Variants in NCOA3 observed in about 807,000 individuals in gnomAD.
The protein encoded by NCOA3 is nuclear receptor coactivator 3.
A neutral mutation model predicts 158.8 loss-of-function variants in NCOA3; 51 were observed. The ratio of observed to expected loss-of-function variants is 0.32; its 90% confidence interval spans 0.26 to 0.41. The LOEUF is 0.41. Ranked by LOEUF, NCOA3 falls within the 10% of genes least tolerant of loss-of-function variation. NCOA3 has a pLI of 1.00. For synonymous variants in NCOA3, 537 were observed against 592.4 expected, an observed-to-expected ratio of 0.91 and a Z score of 1.36; for missense variants, 1,510 against 1,746.6, an observed-to-expected ratio of 0.86 and a Z score of 2.41.
chr20:47,574,563 G>A (rs1330063204), intron 1 of NCOA3, among the ~76,000 whole-genome samples: 1 of 150,872 alleles, frequency 6.6e-6, no homozygotes, highest in Non-Finnish European at 1.5e-5. Context: ...AAAATTTTAT[G>A]TAAAATGAAA....
At chr20:47,622,146 C>A in intron 2 of NCOA3, 83 bp from the exon 3 acceptor site, 1 of 651,712 alleles carries the variant, frequency 1.5e-6, no homozygotes, top group Non-Finnish European at 2.7e-6. Context: ...TTAAAAGTTG[C>A]AGTCATTCAG....
intron 1 of NCOA3, among the ~76,000 whole-genome samples, chr20:47,526,205 C>T (rs1236010744): frequency 1.1e-4 from 17 of 151,524 alleles, no homozygotes; most frequent in African/African-American, 3.2e-4. Context: ...GATGTGATGG[C>T]GGCCGGGAAG....
intron 1 of NCOA3, among the ~76,000 whole-genome samples, chr20:47,537,945 TCTTGGCTTAC>T (rs1481474483): frequency 6.6e-6 from 1 of 152,018 alleles, no homozygotes; most frequent in African/African-American, 2.4e-5. Flanking sequence ...AGTGGCTCAA[TCTTGGCTTAC>T]TGCAACCTCC....
At position 47,627,662 on chromosome 20, in the gene NCOA3, A is replaced by G; in HGVS notation, c.634A>G (p.Asn212Asp). 6 of 1,614,222 alleles carry G rather than the reference A, an allele frequency of 3.7e-6. No individual in the cohort carries two copies. The highest frequency in any genetic ancestry group is 5.1e-6 in the Non-Finnish European group (6 of 1,180,028). Reference protein sequence around the residue: ...KTPHDILEDINASPEMRQRYE... With the variant: ...KTPHDILEDIDASPEMRQRYE... ...ACCACATGATATTCTGGAAGACATA[A>G]ACGCCAGTCCTGAAATGCGCCAGAG... Residue 212 changes from asparagine to aspartate, a missense_variant, in exon 7 of 23, where the codon AAC becomes GAC. Physicochemically the swap from Asn to Asp is conservative, Grantham distance 23 (BLOSUM62 1). Around this residue, in one of 4 missense-constraint regions of NCOA3, gnomAD observed 309 missense variants for 427.1 expected, o/e 0.72. Transcript: ENST00000371998.
At chr20:47,644,667 C>T (rs1245307764) in intron 17 of NCOA3, among the ~76,000 whole-genome samples, 1 of 151,840 alleles carries the variant, frequency 6.6e-6, no homozygotes, top group African/African-American at 2.4e-5. Flanking sequence ...GGGAACTAGC[C>T]CTAGCCCTTT....
chr20:47,633,647 T>C lies in NCOA3; in HGVS notation c.964+11T>C, dbSNP rs982656440. 1 of 1,607,688 alleles carries C rather than the reference T, an allele frequency of 6.2e-7. No homozygotes were observed. The highest frequency in any genetic ancestry group is 1.3e-5 in the African/African-American group (1 of 74,462). ...GTCACTATCAAGAAGGTAAAGAATT[T>C]TGGGGTTGATTGTTCTTATCATTTT... On this transcript the variant is annotated intron_variant, in intron 9 of 22. Coordinates refer to ENST00000371998, the MANE Select transcript of NCOA3 (RefSeq NM_181659.3).
intron 2 of NCOA3, among the ~76,000 whole-genome samples, chr20:47,587,780 A>G (rs1051010625): frequency 2.0e-5 from 3 of 152,156 alleles, no homozygotes; most frequent in African/African-American, 7.2e-5. Context: ...GCATGTGTTC[A>G]TTGAAACATA....
At chr20:47,502,380 G>C (rs2083948095) in intron 1 of NCOA3, among the ~76,000 whole-genome samples, 1 of 152,112 alleles carries the variant, frequency 6.6e-6, no homozygotes, top group African/African-American at 2.4e-5. Flanking sequence ...GCCTCCCCCA[G>C]CCCTTTTGAA....
chr20:47,641,786 C>T (rs955300886), intron 16 of NCOA3, among the ~76,000 whole-genome samples: 4 of 152,106 alleles, frequency 2.6e-5, no homozygotes, highest in Non-Finnish European at 4.4e-5. Flanking sequence ...TGAGCCACTG[C>T]GCCTGGCCAT....
At chr20:47,595,464 C>T (rs745854978) in intron 2 of NCOA3, among the ~76,000 whole-genome samples, 22 of 152,140 alleles carry the variant, frequency 1.4e-4, no homozygotes, top group African/African-American at 2.2e-4. Context: ...CCTTGGCTGG[C>T]GCTTAACTTG....
At position 47,651,055 on chromosome 20, in the gene NCOA3, G is replaced by C. The variant is rs2146347833; in HGVS notation, c.3725G>C (p.Arg1242Thr). The change falls in exon 20 of 23, where the codon AGG becomes ACG. Residue 1242 changes from arginine (R) to threonine (T), a missense_variant. Physicochemically the swap from Arg to Thr is moderately conservative, Grantham distance 71 (BLOSUM62 -1). This residue lies in a region of NCOA3 where 1,017 missense variants were observed against 1,098.3 expected (regional missense o/e 0.93). Coordinates refer to ENST00000371998, the MANE Select transcript of NCOA3 (RefSeq NM_181659.3). ...CTAAGTCATCACTTCCGACAACAGA[G>C]GGTGGCTATGATGATGCAGCAGCAG... Reference protein sequence around the residue: ...ELLSHHFRQQRVAMMMQQQQQ... With the variant: ...ELLSHHFRQQTVAMMMQQQQQ... The C allele has an allele frequency of 6.2e-7, 1 of 1,613,734 alleles. No individual in the cohort carries two copies. The highest frequency in any genetic ancestry group is 8.5e-7 in the Non-Finnish European group (1 of 1,179,888).
chr20:47,529,602 G>A (rs1363633193), intron 1 of NCOA3, among the ~76,000 whole-genome samples: 1 of 152,142 alleles, frequency 6.6e-6, no homozygotes. Context: ...TAGTAGAGGT[G>A]GAGTTTTGCC....
At chr20:47,520,141 T>C (rs188817310) in intron 1 of NCOA3, among the ~76,000 whole-genome samples, 21 of 151,842 alleles carry the variant, frequency 1.4e-4, no homozygotes, top group African/African-American at 4.8e-4. Flanking sequence ...TACACCCTTG[T>C]TTACAGTGAC....
chr20:47,525,086 C>T (rs1244369803), intron 1 of NCOA3, among the ~76,000 whole-genome samples: 4 of 144,646 alleles, frequency 2.8e-5, no homozygotes, highest in Admixed American at 6.9e-5. Context: ...TGCGGCCTTC[C>T]GCAGTGTTTG....
At chr20:47,583,877 C>T (rs569276867) in intron 2 of NCOA3, among the ~76,000 whole-genome samples, 40 of 151,926 alleles carry the variant, frequency 2.6e-4, no homozygotes, top group Non-Finnish European at 5.3e-4. Flanking sequence ...ATTGCCTGTG[C>T]CCATGAGGTT....
intron 1 of NCOA3, among the ~76,000 whole-genome samples, chr20:47,540,801 A>G (rs1173936844): frequency 6.6e-6 from 1 of 152,224 alleles, no homozygotes; most frequent in East Asian, 1.9e-4. Flanking sequence ...TAATTGCCAA[A>G]TAAATTGTAC....
chr20:47,585,911 G>T (rs955743368), intron 2 of NCOA3, among the ~76,000 whole-genome samples: 3 of 150,058 alleles, frequency 2.0e-5, no homozygotes, highest in Admixed American at 6.6e-5. Context: ...ACATGGCAGA[G>T]AACTATCTCC....
intron 1 of NCOA3, among the ~76,000 whole-genome samples, chr20:47,570,496 G>A (rs558926996): frequency 1.2e-4 from 19 of 152,270 alleles, no homozygotes; most frequent in African/African-American, 4.6e-4. Flanking sequence ...TCATCGTGAG[G>A]TTACAGTAAT....
intron 1 of NCOA3, among the ~76,000 whole-genome samples, chr20:47,547,015 A>G (rs1213734504): frequency 6.6e-6 from 1 of 152,166 alleles, no homozygotes; most frequent in Non-Finnish European, 1.5e-5. Context: ...TACACTCTTA[A>G]TGAGGCCCAC....
Sources: allele counts gnomAD v4.1 joint callset (sites outside exome capture counted in the v4.1 genomes callset), GRCh38; gene constraint gnomAD v4.1.1; regional missense constraint gnomAD v4.1.1; transcripts MANE v1.5; gene names NCBI Gene and HGNC (gene_info 2026-07-23, HGNC 2026-07-21).